Variants in CTNNA1 observed in about 807,000 individuals in gnomAD.
CTNNA1 encodes the protein catenin alpha-1.
Under a neutral mutation model 98.4 loss-of-function variants are expected in CTNNA1, and 37 were observed. That is an observed-to-expected ratio of 0.38 (90% CI 0.29 to 0.49). The LOEUF is 0.49. Among genes scored for constraint, CTNNA1 ranks in the 20% least tolerant of loss-of-function variants. The probability of loss-of-function intolerance (pLI) is 0.95; values close to 1 mark genes in which losing one functional copy is unlikely to be tolerated. For missense variants in CTNNA1, 761 were observed against 1,147.2 expected (o/e 0.66, Z 4.86); for synonymous variants, 404 against 413.2 (o/e 0.98, Z 0.27).
chr5:138,818,281 T>TGG lies in CTNNA1; in HGVS notation c.588+5981_588+5982dup, dbSNP rs1554083936. On this transcript the variant is annotated intron_variant, in intron 5 of 17. Transcript: ENST00000302763. ...GCCATATCCAGCTTTTTTTTTTTTT[T>TGG]GGGAGCGGGGGTGGGTAGAGATAGG... is the stretch of plus-strand genomic sequence containing the variant. Among the ~76,000 whole-genome samples, 958 of 149,108 alleles carry TGG rather than the reference T, an allele frequency of 6.4e-3. 15 individuals carry two copies. The highest frequency in any genetic ancestry group is 0.058 in the East Asian group (295 of 5,084).
chr5:138,918,155 T>G (rs1762196313), intron 11 of CTNNA1, among the ~76,000 whole-genome samples: 1 of 152,156 alleles, frequency 6.6e-6, no homozygotes, highest in African/African-American at 2.4e-5. Flanking sequence ...GAGCATGAAT[T>G]AGAAACCTGG....
At chr5:138,841,734 TCCTAC>T (rs757845920) in intron 7 of CTNNA1, among the ~76,000 whole-genome samples, 138 of 152,304 alleles carry the variant, frequency 9.1e-4, no homozygotes, top group Non-Finnish European at 1.8e-3. Flanking sequence ...TCAGTAAATA[TCCTAC>T]AAGTATTACT....
chr5:138,823,774 G>A (rs968494893), intron 5 of CTNNA1, among the ~76,000 whole-genome samples: 27 of 151,384 alleles, frequency 1.8e-4, no homozygotes, highest in Admixed American at 5.3e-4. Context: ...CGGCTAAAAC[G>A]GTGAAACCCC....
intron 7 of CTNNA1, among the ~76,000 whole-genome samples, chr5:138,857,012 T>G (rs1763786594): frequency 6.6e-6 from 1 of 152,190 alleles, no homozygotes; most frequent in Non-Finnish European, 1.5e-5. Context: ...TGTTTTTCCC[T>G]CATGCCCCAG....
At chr5:138,785,981 A>G (rs532269664) in intron 3 of CTNNA1, among the ~76,000 whole-genome samples, 44 of 152,308 alleles carry the variant, frequency 2.9e-4, no homozygotes, top group South Asian at 8.3e-4. Flanking sequence ...CTCCAGTGCA[A>G]ATATGTAGCA....
intron 1 of CTNNA1, among the ~76,000 whole-genome samples, chr5:138,778,664 ATAT>A (rs781052933): frequency 6.6e-6 from 1 of 152,186 alleles, no homozygotes; most frequent in Non-Finnish European, 1.5e-5. Flanking sequence ...GAGGCAATTA[ATAT>A]TATGGTTCCT....
chr5:138,845,962 T>C (rs1581245528), intron 7 of CTNNA1, among the ~76,000 whole-genome samples: 2 of 152,164 alleles, frequency 1.3e-5, no homozygotes, highest in South Asian at 4.1e-4. Flanking sequence ...ATTCTCGCTG[T>C]CTGGCCCAGG....
intron 10 of CTNNA1, among the ~76,000 whole-genome samples, chr5:138,906,747 C>T (rs1329213161): frequency 1.3e-5 from 2 of 152,182 alleles, no homozygotes; most frequent in East Asian, 3.9e-4. Flanking sequence ...GCCCAGACCA[C>T]ACTTGGTACT....
At chr5:138,894,383 A>G (rs535322379) in intron 9 of CTNNA1, among the ~76,000 whole-genome samples, 1 of 149,802 alleles carries the variant, frequency 6.7e-6, no homozygotes, top group South Asian at 2.1e-4. Context: ...CCAGGCTCAG[A>G]TGATCCTCCC....
At chr5:138,799,361 T>C (rs1757301812) in intron 3 of CTNNA1, among the ~76,000 whole-genome samples, 1 of 152,224 alleles carries the variant, frequency 6.6e-6, no homozygotes, top group East Asian at 1.9e-4. Flanking sequence ...GGTTTTGCCA[T>C]GTTGGTCAGA....
chr5:138,925,459 A>G (rs760266809), intron 13 of CTNNA1, 52 bp downstream of exon 13: 1 of 1,590,516 alleles, frequency 6.3e-7, no homozygotes, highest in Non-Finnish European at 8.6e-7. Flanking sequence ...ATCATTTGCT[A>G]AACTTGAGCA....
chr5:138,755,328 A>G (rs941911112), intron 1 of CTNNA1, among the ~76,000 whole-genome samples: 2 of 152,164 alleles, frequency 1.3e-5, no homozygotes, highest in Non-Finnish European at 2.9e-5. Context: ...TGGATGAAAC[A>G]TGAGTCGAGT....
Position 138,931,010 on chromosome 5 carries a change from G to GTAAGT in CTNNA1, c.2298+77_2298+81dup, listed in dbSNP as rs1156637566. ...GGCAGCCCAGCCTGGTCCATTCAGGGTAAGTTTCATGGGCCACAGCACTTT... is the reference window on the plus strand; with the variant it reads ...GGCAGCCCAGCCTGGTCCATTCAGGGTAAGTTAAGTTTCATGGGCCACAGCACTTT... On this transcript the variant is annotated intron_variant, in intron 16 of 17. Coordinates refer to ENST00000302763, the MANE Select transcript of CTNNA1 (RefSeq NM_001903.5). The GTAAGT allele has an allele frequency of 1.1e-5, 10 of 941,754 alleles. No individual in the cohort carries two copies. In the East Asian group the frequency reaches 1.2e-4, roughly 11 times the overall value. 58.3% of individuals were successfully genotyped at this position (941,754 alleles called of 1,614,324 possible).
intron 1 of CTNNA1, among the ~76,000 whole-genome samples, chr5:138,755,626 A>G (rs1486160335): frequency 6.6e-6 from 1 of 152,120 alleles, no homozygotes; most frequent in Non-Finnish European, 1.5e-5. Flanking sequence ...TGCTCTGTGC[A>G]GTCTCTTCTG....
chr5:138,764,400 G>A (rs1752684581), intron 1 of CTNNA1, among the ~76,000 whole-genome samples: 1 of 151,946 alleles, frequency 6.6e-6, no homozygotes, highest in African/African-American at 2.4e-5. Context: ...TTTGCAGAGA[G>A]GTAACTAAGT....
intron 1 of CTNNA1, among the ~76,000 whole-genome samples, chr5:138,762,546 T>C (rs542796599): frequency 6.6e-6 from 1 of 152,206 alleles, no homozygotes; most frequent in East Asian, 1.9e-4. Flanking sequence ...CACAACTCCA[T>C]TTCTAATGGA....
intron 7 of CTNNA1, chr5:138,869,817 T>C (rs1420529950): frequency 6.6e-6 from 1 of 152,664 alleles, no homozygotes; most frequent in Non-Finnish European, 1.5e-5. Context: ...AGAAATTACA[T>C]GTGTTAGTAC....
rs771697605 is a variant in CTNNA1, at chr5:138,873,969, G to A, written c.1063-12243G>A. 5 of 1,613,958 alleles carry A rather than the reference G, an allele frequency of 3.1e-6. No homozygotes were observed. ...TTAATTAATCCTGCAAATCCATTGC[G>A]AGCCAAACTTCGCAAACGATTTGTG... On this transcript the variant is annotated intron_variant, in intron 7 of 17. Coordinates refer to ENST00000302763, the MANE Select transcript of CTNNA1 (RefSeq NM_001903.5). This position sits in a 1 kb window ranked among gnomAD's most constrained non-coding sequence, Gnocchi z 6.1.
At chr5:138,794,087 G>T (rs1257858576) in intron 3 of CTNNA1, among the ~76,000 whole-genome samples, 1 of 148,790 alleles carries the variant, frequency 6.7e-6, no homozygotes, top group East Asian at 2.0e-4. Flanking sequence ...GTGCAATCTC[G>T]GCTCACTGCA....
Sources: allele counts gnomAD v4.1 joint callset (sites outside exome capture counted in the v4.1 genomes callset), GRCh38; gene constraint gnomAD v4.1.1; non-coding constraint Gnocchi (gnomAD v3.1); transcripts MANE v1.5; gene names NCBI Gene and HGNC (gene_info 2026-07-23, HGNC 2026-07-21).